CBFA2T3: variants seen among roughly 807,000 people sequenced by gnomAD.
The protein encoded by CBFA2T3 is transcriptional corepressor CBFA2T3.
Under a neutral mutation model 58.6 loss-of-function variants are expected in CBFA2T3, and 31 were observed. That is an observed-to-expected ratio of 0.53 (90% CI 0.40 to 0.71). The LOEUF is 0.71. Ranked by LOEUF, CBFA2T3 falls within the 30% of genes least tolerant of loss-of-function variation. The pLI is 0.00. For missense variants in CBFA2T3, 1,076 were observed against 963.1 expected (o/e 1.12, Z -1.55); for synonymous variants, 531 against 421.9 (o/e 1.26, Z -3.17).
At chr16:88,969,737 C>G (rs964174155) in intron 1 of CBFA2T3, among the ~76,000 whole-genome samples, 1 of 152,160 alleles carries the variant, frequency 6.6e-6, no homozygotes, top group Non-Finnish European at 1.5e-5. Flanking sequence ...TGCCAGGGTG[C>G]GAGTGGCAGG....
chr16:88,912,173 C>G (rs902416091), intron 1 of CBFA2T3, among the ~76,000 whole-genome samples: 4 of 152,262 alleles, frequency 2.6e-5, no homozygotes, highest in Non-Finnish European at 4.4e-5. Context: ...CTACGTGGCT[C>G]CAGGCGGACC....
intron 1 of CBFA2T3, among the ~76,000 whole-genome samples, chr16:88,944,009 G>C (rs1432014206): frequency 6.6e-6 from 1 of 152,090 alleles, no homozygotes; most frequent in Non-Finnish European, 1.5e-5. Flanking sequence ...CCAGTGTGTC[G>C]CTGTCTGTAG....
chr16:88,898,419 G>C (rs887878409), intron 2 of CBFA2T3, among the ~76,000 whole-genome samples: 1 of 152,180 alleles, frequency 6.6e-6, no homozygotes, highest in South Asian at 2.1e-4. Context: ...TTTCTGACGG[G>C]GCTCTGTCAC....
chr16:88,879,573 C>T lies in CBFA2T3; in HGVS notation c.1472-113G>A, dbSNP rs2272440. ...CAGGGGCTGTGTGCAGCTGAACACA[C>T]GTACCATCTGTGCACACAAAGGCAC... On this transcript the variant is annotated intron_variant, in intron 10 of 11. Coordinates refer to ENST00000268679, the MANE Select transcript of CBFA2T3 (RefSeq NM_005187.6). 292 of 915,206 alleles carry T rather than the reference C, an allele frequency of 3.2e-4. No individual in the cohort carries two copies. In the East Asian group the frequency reaches 4.6e-3, roughly 14 times the overall value. The allele number at this position is 915,206 out of a possible 1,614,324, so 56.7% of individuals were successfully genotyped here. A position where few individuals can be genotyped will look rare whatever the true frequency, so the allele number is the denominator to read the frequency against.
In CBFA2T3 at chr16:88,968,645, G is replaced by A. The variant is rs558921014; in HGVS notation, c.151+8012C>T. On this transcript the variant is annotated intron_variant, in intron 1 of 11. Coordinates refer to ENST00000268679, the MANE Select transcript of CBFA2T3 (RefSeq NM_005187.6). ...GCAGAAGCAGCTGAGACGGCTGTCC[G>A]TCCCCCGCCTGTCAGTCCGTCTGTC... Among the ~76,000 whole-genome samples the A allele has an allele frequency of 5.9e-5, 9 of 152,334 alleles. No homozygotes were observed. The South Asian group carries it at 1.7e-3, about 28-fold the overall frequency.
At position 88,900,438 on chromosome 16, in the gene CBFA2T3, C is replaced by T. The variant is rs536024169; in HGVS notation, c.304+1066G>A. The stretch of plus-strand genomic sequence containing the variant: ...CAGGCCCCCAGCCTCAGCGGCAGAG[C>T]CAGGGAGGGAGCCAGGCCTGGCCTA... On this transcript the variant is annotated intron_variant, in intron 2 of 11. Coordinates refer to ENST00000268679, the MANE Select transcript of CBFA2T3 (RefSeq NM_005187.6). 1.2e-4 allele frequency among the ~76,000 whole-genome samples: 18 copies of T among 152,292 alleles called. No individual in the cohort carries two copies. The East Asian group carries it at 3.3e-3, about 28-fold the overall frequency.
chr16:88,927,876 G>A (rs919465113), intron 1 of CBFA2T3, among the ~76,000 whole-genome samples: 1 of 152,212 alleles, frequency 6.6e-6, no homozygotes, highest in African/African-American at 2.4e-5. Flanking sequence ...ATGGAAAGGC[G>A]CCTCGTGACA....
In CBFA2T3 at chr16:88,876,736, G is replaced by A. The variant is rs1245439774; in HGVS notation, c.*240C>T. ...GATGCTTGAAGAGACGTTGTCAGGA[G>A]GTCTCCGCGCGGAATCATTAGGTAG... On this transcript the variant is annotated 3_prime_UTR_variant, in exon 12 of 12. Transcript: ENST00000268679. The A allele has an allele frequency of 2.2e-6, 1 of 455,914 alleles. No homozygotes were observed. The highest frequency in any genetic ancestry group is 3.8e-6 in the Non-Finnish European group (1 of 261,436). The allele number at this position is 455,914 out of a possible 1,614,324, so 28.2% of individuals were successfully genotyped here. A position where few individuals can be genotyped will look rare whatever the true frequency, so the allele number is the denominator to read the frequency against.
rs370027238 is a variant in CBFA2T3 at position 88,892,350 on chromosome 16, C to A, written c.515G>T (p.Arg172Leu). 6.8e-6 allele frequency: 11 copies of A among 1,613,240 alleles called. No homozygotes were observed. Among genetic ancestry groups the A allele is most frequent in the Non-Finnish European group, 9.3e-6 (11 of 1,179,944 alleles). The change falls in exon 4 of 12, where the codon CGG (arginine) becomes CTG (leucine). Residue 172 changes from arginine (R) to leucine (L), a missense_variant. Arg to Leu is a moderately radical substitution (Grantham distance 102, BLOSUM62 -2). Transcript: ENST00000268679. ...GAAGCGCTTGAGCTTGCTGAGCTGC[C>A]GGGCCCCGCAGGCTGGGGGCAGGTG... ...TQHLPPACGA[R>L]QLSKLKRFLT...
At chr16:88,928,319 T>C (rs3809592) in intron 1 of CBFA2T3, among the ~76,000 whole-genome samples, 3,141 of 152,256 alleles carry the variant, frequency 0.021, 47 homozygotes, top group African/African-American at 0.043. Context: ...CCCTACTCCC[T>C]GGCCTTGGGG....
chr16:88,944,972 C>T (rs1323953695), intron 1 of CBFA2T3, among the ~76,000 whole-genome samples: 1 of 152,216 alleles, frequency 6.6e-6, no homozygotes, highest in Admixed American at 6.5e-5. Context: ...CAGCGTGGTC[C>T]AGCGGGAGGC....
chr16:88,895,766 C>T (rs866766414), intron 3 of CBFA2T3, among the ~76,000 whole-genome samples: 3 of 152,178 alleles, frequency 2.0e-5, no homozygotes, highest in South Asian at 2.1e-4. Flanking sequence ...GACACACCAG[C>T]GTGGTGAGGA....
chr16:88,951,275 C>T (rs756961224), intron 1 of CBFA2T3: 11 of 456,360 alleles, frequency 2.4e-5, no homozygotes, highest in South Asian at 1.6e-4. Context: ...TCTGTTCACC[C>T]GTCCCCTGGA....
chr16:88,960,428 G>A (rs149806372), intron 1 of CBFA2T3, among the ~76,000 whole-genome samples: 7 of 152,322 alleles, frequency 4.6e-5, no homozygotes, highest in East Asian at 1.9e-4. Flanking sequence ...GAAGGCCCTC[G>A]GGAGTGTCAC....
In CBFA2T3 at chr16:88,967,143, C is replaced by T. The variant is rs1426246099; in HGVS notation, c.151+9514G>A. 2.3e-5 allele frequency among the ~76,000 whole-genome samples: 3 copies of T among 132,304 alleles called. No individual in the cohort carries two copies. In the East Asian group the frequency reaches 6.4e-4, roughly 28 times the overall value. The allele number at this position is 132,304 out of a possible 152,430, so 86.8% of individuals were successfully genotyped here. ...CCCCCGAGGTGCCACTCGGCCCCGACACGCGGCAGCACCATGCCACCCCCC... is the reference window on the plus strand; with the variant it reads ...CCCCCGAGGTGCCACTCGGCCCCGATACGCGGCAGCACCATGCCACCCCCC... On this transcript the variant is annotated intron_variant, in intron 1 of 11. Transcript: ENST00000268679.
intron 11 of CBFA2T3, among the ~76,000 whole-genome samples, chr16:88,879,021 C>G (rs1392698174): frequency 1.3e-5 from 2 of 152,252 alleles, no homozygotes; most frequent in South Asian, 4.1e-4. Context: ...CTCAGACAAG[C>G]TGCCAACCCT....
In CBFA2T3 at chr16:88,876,642, A is replaced by G. The variant is rs1968839885; in HGVS notation, c.*334T>C. On this transcript the variant is annotated 3_prime_UTR_variant, in exon 12 of 12. Transcript: ENST00000268679. ...GGGAGAGACAGACAGAGAGGAAAAG[A>G]GAGGTGGGCAGAGCCGCCGCGCCTG... 3 of 317,282 alleles carry G rather than the reference A, an allele frequency of 9.5e-6. No homozygotes were observed. Among genetic ancestry groups the G allele is most frequent in the Non-Finnish European group, 1.7e-5 (3 of 173,916 alleles). 19.7% of individuals were successfully genotyped at this position (317,282 alleles called of 1,614,324 possible). A position where few individuals can be genotyped will look rare whatever the true frequency, so the allele number is the denominator to read the frequency against.
chr16:88,911,728 GGGCTATCTGTCCGGCCACAAC>G (rs1182325073), intron 1 of CBFA2T3, among the ~76,000 whole-genome samples: 4 of 152,264 alleles, frequency 2.6e-5, no homozygotes, highest in Non-Finnish European at 5.9e-5. Context: ...GTCATGCTTC[GGGCTATCTGTCCGGCCACAAC>G]GGCCGCGTGG....
intron 1 of CBFA2T3, among the ~76,000 whole-genome samples, chr16:88,926,103 C>G (rs574397): frequency 0.13 from 19,677 of 152,238 alleles, 2,859 homozygotes; most frequent in African/African-American, 0.36. Context: ...ACGTTCCCCA[C>G]CTGTGAAAGG....
Sources: gnomAD v4.1 joint callset for allele counts (sites outside exome capture counted in the v4.1 genomes callset) on GRCh38, gnomAD v4.1.1 for gene constraint, MANE v1.5 for transcripts, NCBI Gene and HGNC (gene_info 2026-07-23, HGNC 2026-07-21) for gene names.